Variants in SRGAP3 observed in about 807,000 individuals in gnomAD.
The protein encoded by SRGAP3 is SLIT-ROBO Rho GTPase-activating protein 3.
A neutral mutation model predicts 121.1 loss-of-function variants in SRGAP3; 39 were observed. That is an observed-to-expected ratio of 0.32 (90% CI 0.25 to 0.42). The LOEUF is 0.42. SRGAP3 is among the 10% of genes least tolerant of loss of function. The pLI, the probability that SRGAP3 is intolerant of heterozygous loss-of-function variation, is 1.00. For synonymous variants in SRGAP3, 601 were observed against 570.0 expected (o/e 1.05, Z -0.77); for missense variants, 1,213 against 1,470.6 (o/e 0.82, Z 2.86).
intron 1 of SRGAP3, among the ~76,000 whole-genome samples, chr3:9,154,694 T>C (rs1317548810): frequency 1.3e-5 from 2 of 152,204 alleles, no homozygotes; most frequent in Non-Finnish European, 2.9e-5. Flanking sequence ...ATATCAAGTG[T>C]TGCAGAGCTC....
intron 1 of SRGAP3, among the ~76,000 whole-genome samples, chr3:9,243,125 T>C (rs182717574): frequency 1.2e-4 from 18 of 152,158 alleles, no homozygotes; most frequent in African/African-American, 4.1e-4. Flanking sequence ...CAATTAAGGA[T>C]TATAAGGTTT....
intron 1 of SRGAP3, among the ~76,000 whole-genome samples, chr3:9,157,571 T>A (rs928908786): frequency 6.6e-6 from 1 of 152,188 alleles, no homozygotes; most frequent in Non-Finnish European, 1.5e-5. Flanking sequence ...CAGGATGCTG[T>A]TGTCCTTATT....
intron 1 of SRGAP3, among the ~76,000 whole-genome samples, chr3:9,353,801 T>TG (rs576354948): frequency 2.0e-5 from 3 of 152,322 alleles, no homozygotes; most frequent in Admixed American, 2.0e-4. Flanking sequence ...AAGGTTTTCT[T>TG]GGGGGAGATG....
In SRGAP3 at chr3:9,340,886, C is replaced by T. The variant is rs117463442; in HGVS notation, n.215-10290G>A. On this transcript the variant is annotated intron_variant and non_coding_transcript_variant, in intron 1 of 3. Coordinates refer to the SRGAP3 transcript ENST00000490889. Reference sequence around the variant, plus strand: ...CACCGTGAATGAAGGAGTCTGGCATCCTGGGCTGCTATAACGAAATGCCAT... The same window carrying T: ...CACCGTGAATGAAGGAGTCTGGCATTCTGGGCTGCTATAACGAAATGCCAT... Among the ~76,000 whole-genome samples, 90 of 152,274 alleles carry T rather than the reference C, an allele frequency of 5.9e-4. 2 individuals carry two copies. In the East Asian group the frequency reaches 0.017, roughly 29 times the overall value.
intron 1 of SRGAP3, among the ~76,000 whole-genome samples, chr3:9,139,621 T>G (rs1171291387): frequency 6.6e-6 from 1 of 152,242 alleles, no homozygotes; most frequent in Non-Finnish European, 1.5e-5. Context: ...GCAGACTCCT[T>G]GCTTCCAGAA....
At chr3:9,110,026 G>A (rs555089865) in intron 2 of SRGAP3, among the ~76,000 whole-genome samples, 15 of 152,254 alleles carry the variant, frequency 9.9e-5, no homozygotes, top group Middle Eastern at 3.4e-3. Context: ...GACCTTGAAG[G>A]GTTTACAGAA....
At chr3:9,086,582 T>G (rs1426736496) in intron 3 of SRGAP3, among the ~76,000 whole-genome samples, 1 of 150,260 alleles carries the variant, frequency 6.7e-6, no homozygotes, top group African/African-American at 2.4e-5. Context: ...TGTATATGTG[T>G]GTGTGTATAT....
intron 3 of SRGAP3, among the ~76,000 whole-genome samples, chr3:9,087,625 T>C (rs1191787506): frequency 1.3e-5 from 2 of 152,148 alleles, no homozygotes; most frequent in African/African-American, 4.8e-5. Context: ...GTGAAAAGAC[T>C]GGTTCATGAA....
chr3:9,338,950 A>G (rs1955735514), intron 1 of SRGAP3, among the ~76,000 whole-genome samples: 1 of 152,240 alleles, frequency 6.6e-6, no homozygotes, highest in Non-Finnish European at 1.5e-5. Context: ...CATAAGCTAA[A>G]AAACGTGCAT....
intron 3 of SRGAP3, among the ~76,000 whole-genome samples, chr3:9,313,779 G>A (rs1955293208): frequency 1.3e-5 from 2 of 152,204 alleles, no homozygotes; most frequent in Non-Finnish European, 2.9e-5. Flanking sequence ...CAGATCACCT[G>A]AGATCAGGAG....
chr3:9,253,553 T>C (rs538580887), upstream of SRGAP3, among the ~76,000 whole-genome samples: 25 of 152,316 alleles, frequency 1.6e-4, no homozygotes, highest in Middle Eastern at 3.4e-3. Context: ...CTTTTATTTT[T>C]CTGGTCGAAT....
At chr3:9,243,652 G>A (rs866772601) in intron 1 of SRGAP3, among the ~76,000 whole-genome samples, 1 of 145,480 alleles carries the variant, frequency 6.9e-6, no homozygotes. Context: ...AAAAAAAAGA[G>A]AGAGAGAGAG....
At chr3:9,013,575 C>T (rs776993798) in intron 16 of SRGAP3, 40 bp from the exon 17 acceptor site, 3 of 1,605,196 alleles carry the variant, frequency 1.9e-6, no homozygotes, top group African/African-American at 1.3e-5. Flanking sequence ...CTGGGAAAGG[C>T]AAGTCCTCCC....
At chr3:9,110,117 G>A (rs1948562436) in intron 2 of SRGAP3, among the ~76,000 whole-genome samples, 1 of 152,144 alleles carries the variant, frequency 6.6e-6, no homozygotes, top group African/African-American at 2.4e-5. Context: ...GAGAAACTGA[G>A]GGATTCAAGA....
intron 2 of SRGAP3, among the ~76,000 whole-genome samples, chr3:9,123,569 T>C (rs1949102047): frequency 6.6e-6 from 1 of 151,674 alleles, no homozygotes; most frequent in Non-Finnish European, 1.5e-5. Flanking sequence ...TAGTTGGGCG[T>C]GGTGGTGCAC....
intron 2 of SRGAP3, among the ~76,000 whole-genome samples, chr3:9,111,300 A>C (rs989142147): frequency 6.6e-6 from 1 of 152,182 alleles, no homozygotes; most frequent in Non-Finnish European, 1.5e-5. Flanking sequence ...TGGGTCACTA[A>C]AGTGTCCCCA....
At chr3:9,149,825 C>T (rs149208955) in intron 1 of SRGAP3, among the ~76,000 whole-genome samples, 8 of 152,334 alleles carry the variant, frequency 5.3e-5, no homozygotes, top group East Asian at 1.9e-4. Flanking sequence ...ATGGTTGTCA[C>T]GCACAATTCT....
Position 9,324,906 on chromosome 3 carries a change from G to A in SRGAP3, n.442+1104C>T, listed in dbSNP as rs190583245. ...CGGGAGGCGGAGCTTGCAGTGAGCCGAGATCGCGCCACTGCACTCCAGCCT... is the reference window on the plus strand; with the variant it reads ...CGGGAGGCGGAGCTTGCAGTGAGCCAAGATCGCGCCACTGCACTCCAGCCT... On this transcript the variant is annotated intron_variant and non_coding_transcript_variant, in intron 3 of 3. Coordinates refer to the SRGAP3 transcript ENST00000490889. Among the ~76,000 whole-genome samples, 7 of 151,310 alleles carry A rather than the reference G, an allele frequency of 4.6e-5. No homozygotes were observed. The South Asian group carries it at 1.0e-3, about 22-fold the overall frequency.
Position 9,360,682 on chromosome 3 carries a change from G to A in SRGAP3, n.214+2158C>T, listed in dbSNP as rs189216722. 2.4e-4 allele frequency among the ~76,000 whole-genome samples: 37 copies of A among 152,280 alleles called. No homozygotes were observed. In the East Asian group the frequency reaches 4.1e-3, roughly 17 times the overall value. ...CAGCAAGAAAGAGAATGGGAGAAGCGGAAGTGGAAACCTCTTATCAAACCA... is the reference window on the plus strand; with the variant it reads ...CAGCAAGAAAGAGAATGGGAGAAGCAGAAGTGGAAACCTCTTATCAAACCA... On this transcript the variant is annotated intron_variant and non_coding_transcript_variant, in intron 1 of 3. Transcript: ENST00000490889.
Sources: gnomAD v4.1 joint callset for allele counts (sites outside exome capture counted in the v4.1 genomes callset) on GRCh38, gnomAD v4.1.1 for gene constraint, MANE v1.5 for transcripts, NCBI Gene and HGNC (gene_info 2026-07-23, HGNC 2026-07-21) for gene names.